LRRC4C: variants seen among roughly 807,000 people sequenced by gnomAD.
LRRC4C encodes the protein leucine-rich repeat-containing protein 4C.
Under a neutral mutation model 33.6 loss-of-function variants are expected in LRRC4C, and 5 were observed. The observed-to-expected ratio is 0.15, with a 90% CI of 0.08 to 0.31. The LOEUF (loss-of-function observed/expected upper bound fraction) is 0.31, where lower values mean the gene tolerates loss of function less well. Among genes scored for constraint, LRRC4C ranks in the 10% least tolerant of loss-of-function variants. The pLI is 1.00. For missense variants in LRRC4C, 560 were observed against 796.7 expected, an observed-to-expected ratio of 0.70 and a Z score of 3.58; for synonymous variants, 329 against 302.0, an observed-to-expected ratio of 1.09 and a Z score of -0.93.
intron 2 of LRRC4C, among the ~76,000 whole-genome samples, chr11:40,834,915 C>G (rs28592829): frequency 2.2e-4 from 7 of 32,462 alleles, no homozygotes; most frequent in East Asian, 2.6e-3. Context: ...CAGACAGACA[C>G]ACACACACAC....
intron 1 of LRRC4C, among the ~76,000 whole-genome samples, chr11:41,020,407 T>C (rs1361132359): frequency 6.6e-6 from 1 of 152,142 alleles, no homozygotes; most frequent in African/African-American, 2.4e-5. Context: ...AAATGCATAT[T>C]ATGATGAGAG....
intron 5 of LRRC4C, among the ~76,000 whole-genome samples, chr11:40,166,900 A>T (rs577102976): frequency 6.6e-6 from 1 of 152,234 alleles, no homozygotes; most frequent in East Asian, 1.9e-4. Flanking sequence ...TTTTATTCTG[A>T]GTCACAGTTA....
chr11:41,323,499 G>A (rs929056832), intron 1 of LRRC4C, among the ~76,000 whole-genome samples: 7 of 152,198 alleles, frequency 4.6e-5, no homozygotes, highest in Non-Finnish European at 8.8e-5. Context: ...AACACCAAGT[G>A]AAGAGAAAAG....
intron 3 of LRRC4C, among the ~76,000 whole-genome samples, chr11:40,359,113 C>G (rs940359894): frequency 1.3e-5 from 2 of 152,060 alleles, no homozygotes; most frequent in Non-Finnish European, 2.9e-5. Context: ...TGTAATGTGT[C>G]GGGTATGTTT....
chr11:41,422,382 T>C (rs1326204109), intron 1 of LRRC4C, among the ~76,000 whole-genome samples: 4 of 152,046 alleles, frequency 2.6e-5, no homozygotes, highest in African/African-American at 4.8e-5. Flanking sequence ...TGTAGGGAGA[T>C]CTGCCAGTGG....
At chr11:40,947,056 T>C (rs1958437063) in intron 1 of LRRC4C, among the ~76,000 whole-genome samples, 1 of 152,150 alleles carries the variant, frequency 6.6e-6, no homozygotes. Context: ...GTCGTACATT[T>C]TTTTTCTTTA....
intron 1 of LRRC4C, among the ~76,000 whole-genome samples, chr11:41,262,374 T>C (rs1272419106): frequency 6.7e-6 from 1 of 149,128 alleles, no homozygotes; most frequent in Admixed American, 6.8e-5. Flanking sequence ...TGCTGACTGC[T>C]ACCCTATACT....
intron 4 of LRRC4C, among the ~76,000 whole-genome samples, chr11:40,261,167 C>T (rs553311187): frequency 3.2e-4 from 48 of 152,022 alleles, no homozygotes; most frequent in African/African-American, 7.7e-4. Flanking sequence ...GGATTATAGG[C>T]GTGAGTCACC....
chr11:40,692,832 C>T (rs934909784), intron 2 of LRRC4C, among the ~76,000 whole-genome samples: 2 of 152,056 alleles, frequency 1.3e-5, no homozygotes, highest in African/African-American at 4.8e-5. Context: ...CTGTACATTT[C>T]CATCTATCAC....
intron 1 of LRRC4C, among the ~76,000 whole-genome samples, chr11:41,239,320 T>A (rs1469395629): frequency 1.5e-4 from 2 of 13,388 alleles, no homozygotes; most frequent in Non-Finnish European, 4.1e-4. Flanking sequence ...AGACTCTGTC[T>A]CAAAAAAAAA....
At chr11:40,528,842 G>A (rs901954521) in intron 3 of LRRC4C, among the ~76,000 whole-genome samples, 1 of 152,074 alleles carries the variant, frequency 6.6e-6, no homozygotes, top group Non-Finnish European at 1.5e-5. Context: ...GGAACAGCAT[G>A]GATGAACCTG....
intron 2 of LRRC4C, among the ~76,000 whole-genome samples, chr11:40,841,512 C>A (rs1451925338): frequency 6.6e-6 from 1 of 152,148 alleles, no homozygotes; most frequent in Admixed American, 6.5e-5. Context: ...GCAGAGTTCA[C>A]TTTTTCTTTC....
rs116614782 is a variant in LRRC4C at position 40,568,561 on chromosome 11, C to T, written c.-270+79581G>A. Among the ~76,000 whole-genome samples the T allele has an allele frequency of 1.7e-3, 263 of 152,248 alleles. 1 individual carries two copies. The highest frequency in any genetic ancestry group is 6.1e-3 in the African/African-American group (253 of 41,522). Reference sequence around the variant, plus strand: ...TAATATAATTTCTATAACAGCTCCACGAAAATCTAATTTGCCTGATACTAT... The same window carrying T: ...TAATATAATTTCTATAACAGCTCCATGAAAATCTAATTTGCCTGATACTAT... On this transcript the variant is annotated intron_variant, in intron 3 of 6. Transcript: ENST00000528697.
At chr11:41,153,497 T>C (rs1944091721) in intron 1 of LRRC4C, among the ~76,000 whole-genome samples, 1 of 152,150 alleles carries the variant, frequency 6.6e-6, no homozygotes, top group Non-Finnish European at 1.5e-5. Context: ...AAATATTAAG[T>C]ACAATGTTGA....
chr11:40,121,977 G>T (rs1050132236), intron 6 of LRRC4C, among the ~76,000 whole-genome samples: 2 of 152,120 alleles, frequency 1.3e-5, no homozygotes, highest in South Asian at 4.1e-4. Context: ...TGACTTTGCT[G>T]TTCCACTGTC....
At chr11:40,593,065 ACTAGGCAAGCCAAGCACAGC>A (rs1959130426) in intron 3 of LRRC4C, among the ~76,000 whole-genome samples, 1 of 152,208 alleles carries the variant, frequency 6.6e-6, no homozygotes, top group Admixed American at 6.5e-5. Flanking sequence ...TCAACTGGCA[ACTAGGCAAGCCAAGCACAGC>A]CTCTGCAGCT....
chr11:40,816,189 G>A (rs1365125455), intron 2 of LRRC4C, among the ~76,000 whole-genome samples: 1 of 152,134 alleles, frequency 6.6e-6, no homozygotes, highest in African/African-American at 2.4e-5. Context: ...TTCTTTTTGG[G>A]ATGCAAATGG....
chr11:40,116,559 T>C (rs1216402809), intron 6 of LRRC4C, among the ~76,000 whole-genome samples: 1 of 151,840 alleles, frequency 6.6e-6, no homozygotes, highest in Non-Finnish European at 1.5e-5. Flanking sequence ...GACCACAGAG[T>C]AAGGGGTCAA....
chr11:40,151,377 C>A (rs940700512), intron 5 of LRRC4C, among the ~76,000 whole-genome samples: 6 of 152,142 alleles, frequency 3.9e-5, no homozygotes, highest in Non-Finnish European at 2.9e-5. Flanking sequence ...CAATTCTTAT[C>A]CCAGTGGCAT....
Sources: allele counts gnomAD v4.1 joint callset (sites outside exome capture counted in the v4.1 genomes callset), GRCh38; gene constraint gnomAD v4.1.1; transcripts MANE v1.5; gene names NCBI Gene and HGNC (gene_info 2026-07-23, HGNC 2026-07-21).